The following ARL8B variants were observed in gnomAD, a reference collection of about 807,000 sequenced individuals.
ARL8B encodes ARF like GTPase 8B.
ARL8B carries 9 observed loss-of-function variants against 30.6 expected under a neutral mutation model. The ratio of observed to expected loss-of-function variants is 0.29; its 90% CI spans 0.18 to 0.51. The LOEUF is 0.51. Ranked by LOEUF, ARL8B falls within the 20% of genes least tolerant of loss-of-function variation. ARL8B has a pLI of 0.97. For synonymous variants in ARL8B, 74 were observed against 76.0 expected (o/e 0.97, Z 0.14); for missense variants, 130 against 227.2 (o/e 0.57, Z 2.75).
At chr3:5,172,305 C>A in intron 3 of ARL8B, 82 bp downstream of exon 3, 1 of 1,244,084 alleles carries the variant, frequency 8.0e-7, no homozygotes, top group Non-Finnish European at 1.1e-6. Flanking sequence ...TTTCCAGAGG[C>A]TCAATTTTTA....
rs372108645 is a variant in ARL8B at position 5,156,156 on chromosome 3, G to A, written c.124-14347G>A. On this transcript the variant is annotated intron_variant, in intron 1 of 6. Transcript: ENST00000256496. ...GACCTCAAGTGATCTGCCTGCCTCAGCCTCCCAAAGTGCTGGGATTATAGG... is the reference window on the plus strand; with the variant it reads ...GACCTCAAGTGATCTGCCTGCCTCAACCTCCCAAAGTGCTGGGATTATAGG... Among the ~76,000 whole-genome samples, 7 of 152,214 alleles carry A rather than the reference G, an allele frequency of 4.6e-5. No homozygotes were observed. In the South Asian group the frequency reaches 1.5e-3, roughly 32 times the overall value.
In ARL8B at chr3:5,158,381, C is replaced by T. The variant is rs769802263; in HGVS notation, c.124-12122C>T. Reference sequence around the variant, plus strand: ...ACAGGTAATGTCACGTTTCATGGACCGTGGGTGATGGTAGCAAACATTGAA... The same window carrying T: ...ACAGGTAATGTCACGTTTCATGGACTGTGGGTGATGGTAGCAAACATTGAA... On this transcript the variant is annotated intron_variant, in intron 1 of 6. Coordinates refer to ENST00000256496, the MANE Select transcript of ARL8B (RefSeq NM_018184.3). Among the ~76,000 whole-genome samples, 31 of 152,216 alleles carry T rather than the reference C, an allele frequency of 2.0e-4. 1 individual carries two copies. In the South Asian group the frequency reaches 3.5e-3, roughly 17 times the overall value.
At chr3:5,130,602 CG>C (rs550597194) in intron 1 of ARL8B, among the ~76,000 whole-genome samples, 3 of 150,782 alleles carry the variant, frequency 2.0e-5, no homozygotes, top group Non-Finnish European at 4.4e-5. Context: ...GGCATGATCT[CG>C]GTTGACTGTA....
At chr3:5,150,710 G>T (rs1265071687) in intron 1 of ARL8B, among the ~76,000 whole-genome samples, 2 of 152,204 alleles carry the variant, frequency 1.3e-5, no homozygotes, top group African/African-American at 4.8e-5. Context: ...TTGAACCCGG[G>T]AGGGGAAGCT....
At chr3:5,136,836 T>C (rs911453245) in intron 1 of ARL8B, among the ~76,000 whole-genome samples, 6 of 152,054 alleles carry the variant, frequency 3.9e-5, no homozygotes, top group African/African-American at 1.4e-4. Flanking sequence ...GGTACTCCTT[T>C]CCCCCTAGAT....
chr3:5,174,425 A>C lies in ARL8B; in HGVS notation c.511+11A>C. The C allele has an allele frequency of 6.4e-7, 1 of 1,564,306 alleles. No homozygotes were observed. On this transcript the variant is annotated intron_variant, in intron 6 of 6. Coordinates refer to ENST00000256496, the MANE Select transcript of ARL8B (RefSeq NM_018184.3). ...AAAAGGATAATATAGGTAAGAAATG[A>C]CTGGTAATTTTGGAAGAAATGGGTA...
chr3:5,172,402 C>CT (rs563504791), intron 3 of ARL8B, among the ~76,000 whole-genome samples, 179 bp downstream of exon 3: 1 of 152,140 alleles, frequency 6.6e-6, no homozygotes, highest in South Asian at 2.1e-4. Context: ...AGAATAAGAT[C>CT]TTTATGTTTT....
At position 5,148,795 on chromosome 3, in the gene ARL8B, A is replaced by G. The variant is rs181436135; in HGVS notation, c.124-21708A>G. Among the ~76,000 whole-genome samples, 8 of 152,250 alleles carry G rather than the reference A, an allele frequency of 5.3e-5. No individual in the cohort carries two copies. In the East Asian group the frequency reaches 1.2e-3, roughly 22 times the overall value. On this transcript the variant is annotated intron_variant, in intron 1 of 6. Coordinates refer to ENST00000256496, the MANE Select transcript of ARL8B (RefSeq NM_018184.3). ...GGGCCAGATAAAACAGCGATGCCTTATCTTTTGCTTTTCCTTTTGCCTGGT... is the reference window on the plus strand; with the variant it reads ...GGGCCAGATAAAACAGCGATGCCTTGTCTTTTGCTTTTCCTTTTGCCTGGT...
intron 6 of ARL8B, among the ~76,000 whole-genome samples, chr3:5,176,922 G>T (rs2054734940): frequency 6.6e-6 from 1 of 152,082 alleles, no homozygotes; most frequent in South Asian, 2.1e-4. Flanking sequence ...GCATTTAGTG[G>T]GTAGATACCA....
intron 1 of ARL8B, among the ~76,000 whole-genome samples, chr3:5,135,630 T>G (rs1559276652): frequency 6.6e-6 from 1 of 151,608 alleles, no homozygotes; most frequent in Non-Finnish European, 1.5e-5. Flanking sequence ...AGCTACTTTT[T>G]GTATTTTTGG....
chr3:5,145,862 C>G (rs577464173), intron 1 of ARL8B, among the ~76,000 whole-genome samples: 10 of 152,254 alleles, frequency 6.6e-5, no homozygotes, highest in African/African-American at 2.4e-4. Context: ...TGGGTTTATT[C>G]TCTTTCCTTC....
intron 1 of ARL8B, among the ~76,000 whole-genome samples, chr3:5,159,602 C>CAAAAAAAAAAAA (rs71053495): frequency 1.3e-5 from 1 of 77,060 alleles, no homozygotes; most frequent in African/African-American, 4.7e-5. Flanking sequence ...AACTCCGTCT[C>CAAAAAAAAAAAA]AAAAAAAAAA....
At chr3:5,161,721 C>T (rs1335749000) in intron 1 of ARL8B, among the ~76,000 whole-genome samples, 1 of 152,180 alleles carries the variant, frequency 6.6e-6, no homozygotes. Flanking sequence ...TTTCTTGACT[C>T]ATTTTCAAGT....
intron 1 of ARL8B, among the ~76,000 whole-genome samples, chr3:5,139,174 T>C (rs769176920): frequency 7.2e-5 from 11 of 152,164 alleles, no homozygotes; most frequent in Non-Finnish European, 1.5e-4. Flanking sequence ...AGTTGCAAAA[T>C]TGTGAGGCAG....
intron 1 of ARL8B, among the ~76,000 whole-genome samples, chr3:5,129,180 T>TTTTTGTG (rs57459025): frequency 0.36 from 54,198 of 151,444 alleles, 10,553 homozygotes; most frequent in African/African-American, 0.54. Context: ...TGTTTTTTGT[T>TTTTTGTG]TTTTGTTTTT....
intron 1 of ARL8B, among the ~76,000 whole-genome samples, chr3:5,151,966 T>TC (rs1203534401): frequency 1.3e-5 from 2 of 152,120 alleles, no homozygotes; most frequent in East Asian, 3.9e-4. Flanking sequence ...CACCTTGGCC[T>TC]CCCAAAGTAT....
At chr3:5,140,219 G>C (rs1217420076) in intron 1 of ARL8B, among the ~76,000 whole-genome samples, 1 of 152,074 alleles carries the variant, frequency 6.6e-6, no homozygotes, top group East Asian at 1.9e-4. Flanking sequence ...ATCTTGAATT[G>C]TAGCTCCCAT....
At chr3:5,132,484 C>T (rs1414055452) in intron 1 of ARL8B, among the ~76,000 whole-genome samples, 7 of 152,176 alleles carry the variant, frequency 4.6e-5, no homozygotes, top group African/African-American at 9.7e-5. Flanking sequence ...GGTGATCCAC[C>T]TGCTTCGGCC....
chr3:5,153,205 G>C (rs368618123), intron 1 of ARL8B, among the ~76,000 whole-genome samples: 1 of 152,050 alleles, frequency 6.6e-6, no homozygotes, highest in Non-Finnish European at 1.5e-5. Flanking sequence ...AGTCATTATC[G>C]GTAATATACT....
Sources: allele counts gnomAD v4.1 joint callset (sites outside exome capture counted in the v4.1 genomes callset), GRCh38; gene constraint gnomAD v4.1.1; transcripts MANE v1.5; gene names NCBI Gene and HGNC (gene_info 2026-07-23, HGNC 2026-07-21).